The following CTNNA3 variants were observed in gnomAD, a reference collection of about 807,000 sequenced individuals.
CTNNA3 encodes the protein catenin alpha-3.
A neutral mutation model predicts 95.7 loss-of-function variants in CTNNA3; 76 were observed. That is an observed-to-expected ratio of 0.79 (90% CI 0.66 to 0.96). The LOEUF is 0.96. Among genes scored for constraint, CTNNA3 ranks in the 40% least tolerant of loss-of-function variants. The pLI is 0.00. For synonymous variants in CTNNA3, 431 were observed against 374.4 expected, an observed-to-expected ratio of 1.15 and a Z score of -1.74; for missense variants, 1,191 against 1,089.8, an observed-to-expected ratio of 1.09 and a Z score of -1.31.
At chr10:65,934,772 A>T (rs531996724) in intron 17 of CTNNA3, among the ~76,000 whole-genome samples, 1 of 152,136 alleles carries the variant, frequency 6.6e-6, no homozygotes, top group Non-Finnish European at 1.5e-5. Context: ...GAGGAACCAA[A>T]GGAAAGCCCC....
intron 10 of CTNNA3, among the ~76,000 whole-genome samples, chr10:66,533,042 C>T (rs556210015): frequency 2.7e-4 from 41 of 152,156 alleles, no homozygotes; most frequent in Non-Finnish European, 4.9e-4. Context: ...TGTTCCTAGC[C>T]ACTCTCTACA....
intron 11 of CTNNA3, among the ~76,000 whole-genome samples, chr10:66,448,182 T>A (rs538593906): frequency 2.0e-5 from 3 of 152,024 alleles, no homozygotes; most frequent in African/African-American, 7.2e-5. Context: ...AAACAACAGG[T>A]GCTGGAGAGG....
intron 5 of CTNNA3, among the ~76,000 whole-genome samples, chr10:67,379,122 T>C (rs141904260): frequency 6.6e-6 from 1 of 152,234 alleles, no homozygotes; most frequent in Non-Finnish European, 1.5e-5. Context: ...ATACTACATA[T>C]GTCTTAAAAT....
At chr10:66,934,222 ATGT>A (rs1372552473) in intron 7 of CTNNA3, among the ~76,000 whole-genome samples, 1 of 152,242 alleles carries the variant, frequency 6.6e-6, no homozygotes, top group South Asian at 2.1e-4. Context: ...TTTCCAGCAA[ATGT>A]TGTAATGATA....
chr10:66,684,443 C>G (rs1246324037), intron 9 of CTNNA3, among the ~76,000 whole-genome samples: 1 of 152,110 alleles, frequency 6.6e-6, no homozygotes, highest in Admixed American at 6.5e-5. Context: ...ATTAATATTA[C>G]TGTTATTGCT....
chr10:67,573,314 T>G (rs1842036210), intron 3 of CTNNA3, among the ~76,000 whole-genome samples: 1 of 152,124 alleles, frequency 6.6e-6, no homozygotes, highest in African/African-American at 2.4e-5. Flanking sequence ...TTGCTTCCTC[T>G]TTCAGTTTGC....
intron 7 of CTNNA3, among the ~76,000 whole-genome samples, chr10:67,009,653 TTGTTG>T (rs1184472815): frequency 6.6e-6 from 1 of 152,146 alleles, no homozygotes; most frequent in Non-Finnish European, 1.5e-5. Context: ...ATACAGCTCT[TTGTTG>T]TGTTATTATC....
chr10:66,443,722 GA>G (rs1289019806), intron 11 of CTNNA3, among the ~76,000 whole-genome samples: 2 of 151,898 alleles, frequency 1.3e-5, no homozygotes, highest in African/African-American at 2.4e-5. Flanking sequence ...CAAAGATGGG[GA>G]AAAAACAGAG....
At chr10:66,438,125 T>C (rs528495875) in intron 11 of CTNNA3, among the ~76,000 whole-genome samples, 21 of 152,238 alleles carry the variant, frequency 1.4e-4, no homozygotes, top group African/African-American at 4.3e-4. Flanking sequence ...CTGTATGAGA[T>C]GTCTGTTGAC....
At chr10:66,302,315 A>C (rs1444506248) in intron 12 of CTNNA3, among the ~76,000 whole-genome samples, 1 of 152,060 alleles carries the variant, frequency 6.6e-6, no homozygotes, top group Non-Finnish European at 1.5e-5. Flanking sequence ...TTGGGTATTT[A>C]CTAATTGACC....
intron 7 of CTNNA3, among the ~76,000 whole-genome samples, chr10:66,857,073 C>A (rs7904242): frequency 0.58 from 88,738 of 151,786 alleles, 27,010 homozygotes; most frequent in African/African-American, 0.64. Context: ...TCTTGAGTTG[C>A]TTTTTGTAAA....
intron 11 of CTNNA3, among the ~76,000 whole-genome samples, chr10:66,516,597 A>G (rs1023415423): frequency 5.3e-5 from 8 of 152,178 alleles, no homozygotes; most frequent in Non-Finnish European, 7.3e-5. Context: ...TGCCACAGAA[A>G]TAAACAAATG....
intron 7 of CTNNA3, among the ~76,000 whole-genome samples, chr10:66,950,146 T>C (rs1435584201): frequency 6.6e-6 from 1 of 152,198 alleles, no homozygotes; most frequent in African/African-American, 2.4e-5. Flanking sequence ...GGAACATTGC[T>C]TTTTGACAAA....
intron 1 of CTNNA3, among the ~76,000 whole-genome samples, chr10:67,657,095 C>T (rs1840046137): frequency 6.6e-6 from 1 of 152,030 alleles, no homozygotes; most frequent in South Asian, 2.1e-4. Context: ...TATAGTTTGA[C>T]AATTGAGACA....
chr10:67,606,256 C>A (rs188401035), intron 3 of CTNNA3, among the ~76,000 whole-genome samples: 85 of 152,286 alleles, frequency 5.6e-4, no homozygotes, highest in African/African-American at 2.0e-3. Flanking sequence ...AACTGTCCTA[C>A]AGTTGAGACC....
intron 10 of CTNNA3, among the ~76,000 whole-genome samples, chr10:66,600,034 A>C (rs1843864778): frequency 6.6e-6 from 1 of 151,944 alleles, no homozygotes; most frequent in Non-Finnish European, 1.5e-5. Flanking sequence ...TATGGAAATA[A>C]ATAATAAAAA....
At chr10:66,335,232 T>A (rs528381159) in intron 12 of CTNNA3, among the ~76,000 whole-genome samples, 1 of 152,268 alleles carries the variant, frequency 6.6e-6, no homozygotes, top group African/African-American at 2.4e-5. Context: ...TCTCAACTCG[T>A]CAAAGTCATT....
intron 16 of CTNNA3, among the ~76,000 whole-genome samples, chr10:65,984,396 T>A (rs2078383270): frequency 6.6e-6 from 1 of 151,430 alleles, no homozygotes; most frequent in East Asian, 1.9e-4. Context: ...ATTCTCAGTT[T>A]TGATTACTTA....
chr10:66,618,951 C>T (rs994173101), intron 10 of CTNNA3, among the ~76,000 whole-genome samples: 1 of 152,126 alleles, frequency 6.6e-6, no homozygotes, highest in South Asian at 2.1e-4. Context: ...CCAACAGACA[C>T]ATGAAAAAAT....
Sources: gnomAD v4.1 joint callset for allele counts (sites outside exome capture counted in the v4.1 genomes callset) on GRCh38, gnomAD v4.1.1 for gene constraint, MANE v1.5 for transcripts, NCBI Gene and HGNC (gene_info 2026-07-23, HGNC 2026-07-21) for gene names.